Variants in SAMSN1 observed in about 807,000 individuals in gnomAD.
SAMSN1 encodes SAM domain-containing protein SAMSN-1.
SAMSN1 carries 31 observed loss-of-function variants against 42.0 expected under a neutral mutation model. The ratio of observed to expected loss-of-function variants is 0.74; its 90% CI spans 0.55 to 1.00. The LOEUF (loss-of-function observed/expected upper bound fraction) is 1.00, where lower values mean the gene tolerates loss of function less well. Ranked by LOEUF, SAMSN1 falls within the 50% of genes least tolerant of loss-of-function variation. The pLI is 0.00. For missense variants in SAMSN1, 464 were observed against 439.4 expected (o/e 1.06, Z -0.50); for synonymous variants, 178 against 151.9 (o/e 1.17, Z -1.26).
In SAMSN1 at chr21:14,499,218, A is replaced by G. The variant is rs555714063; in HGVS notation, c.769-626T>C. Among the ~76,000 whole-genome samples, 4 of 152,310 alleles carry G rather than the reference A, an allele frequency of 2.6e-5. No homozygotes were observed. In the East Asian group the frequency reaches 7.7e-4, roughly 29 times the overall value. ...TAGTTGGGGAAAGAATTGTTTTCTCAGCATGTATATTTTGTCCGTCATTTG... is the reference window on the plus strand; with the variant it reads ...TAGTTGGGGAAAGAATTGTTTTCTCGGCATGTATATTTTGTCCGTCATTTG... On this transcript the variant is annotated intron_variant, in intron 6 of 7. Coordinates refer to ENST00000400566, the MANE Select transcript of SAMSN1 (RefSeq NM_022136.5).
upstream of SAMSN1, chr21:14,583,719 T>C (rs1981832414): frequency 1.4e-6 from 1 of 717,652 alleles, no homozygotes; most frequent in African/African-American, 1.7e-5. Flanking sequence ...CAAACCAGTT[T>C]CTGTAGTCGC....
chr21:14,577,276 A>AT lies in SAMSN1; in HGVS notation c.261+4859dup, dbSNP rs1568816204. On this transcript the variant is annotated intron_variant, in intron 2 of 8. Transcript: ENST00000285670. ...TATATATATATATATATATATATAT[A>AT]TATATATATTTTTTTTTTAGAAGAG... Among the ~76,000 whole-genome samples, 36 of 50,306 alleles carry AT rather than the reference A, an allele frequency of 7.2e-4. 2 individuals are homozygous for AT. Among genetic ancestry groups the AT allele is most frequent in the African/African-American group, 4.5e-3 (36 of 8,050 alleles). The allele number at this position is 50,306 out of a possible 152,430, so 33.0% of individuals were successfully genotyped here.
chr21:14,596,860 C>A (rs1243539696), intron 6 of SAMSN1, among the ~76,000 whole-genome samples: 1 of 152,098 alleles, frequency 6.6e-6, no homozygotes, highest in African/African-American at 2.4e-5. Flanking sequence ...CTAGAAATGC[C>A]CAGCTATACC....
intron 5 of SAMSN1, among the ~76,000 whole-genome samples, chr21:14,508,856 G>A (rs891445171): frequency 2.6e-5 from 4 of 152,160 alleles, no homozygotes; most frequent in South Asian, 2.1e-4. Context: ...TAGGCTGGGC[G>A]TGGTGGCTCA....
chr21:14,506,092 C>G (rs1987388326), intron 5 of SAMSN1, among the ~76,000 whole-genome samples: 1 of 151,978 alleles, frequency 6.6e-6, no homozygotes, highest in South Asian at 2.1e-4. Flanking sequence ...GGGGAAAGTG[C>G]ATAGCCCTAA....
intron 1 of SAMSN1, among the ~76,000 whole-genome samples, chr21:14,524,673 T>C (rs890936839): frequency 6.6e-6 from 1 of 152,188 alleles, no homozygotes; most frequent in African/African-American, 2.4e-5. Flanking sequence ...ACTGTAGCAC[T>C]TTTATATTAT....
chr21:14,507,171 A>G (rs1987453274), intron 5 of SAMSN1, among the ~76,000 whole-genome samples: 1 of 152,216 alleles, frequency 6.6e-6, no homozygotes, highest in African/African-American at 2.4e-5. Flanking sequence ...TCTTCAACAC[A>G]GTACTGGAAG....
At chr21:14,624,238 C>T (rs1434398562) in intron 2 of SAMSN1, among the ~76,000 whole-genome samples, 1 of 152,078 alleles carries the variant, frequency 6.6e-6, no homozygotes, top group Non-Finnish European at 1.5e-5. Context: ...AGAGCAAACA[C>T]ATTCAAAAGC....
At chr21:14,544,625 G>A (rs1263963954) in intron 1 of SAMSN1, among the ~76,000 whole-genome samples, 2 of 151,992 alleles carry the variant, frequency 1.3e-5, no homozygotes, top group Non-Finnish European at 2.9e-5. Flanking sequence ...CATTTTCTGT[G>A]ATATGTTTTG....
At chr21:14,649,166 A>G (rs956178988) in intron 1 of SAMSN1, among the ~76,000 whole-genome samples, 4 of 151,682 alleles carry the variant, frequency 2.6e-5, no homozygotes, top group African/African-American at 7.3e-5. Flanking sequence ...AAAAACTATC[A>G]CAAGAACAAA....
chr21:14,511,411 TAG>T (rs1987683585), intron 4 of SAMSN1, among the ~76,000 whole-genome samples: 1 of 152,224 alleles, frequency 6.6e-6, no homozygotes, highest in Non-Finnish European at 1.5e-5. Flanking sequence ...CATCACAATA[TAG>T]AGTTTTTAAA....
In SAMSN1 at chr21:14,508,705, G is replaced by A. The variant is rs1487262278; in HGVS notation, c.561+1605C>T. Among the ~76,000 whole-genome samples, 3 of 152,206 alleles carry A rather than the reference G, an allele frequency of 2.0e-5. No homozygotes were observed. The South Asian group carries it at 6.2e-4, about 31-fold the overall frequency. ...ATTTGATTCAGCAATTCCACTGCTAGGTATCTATGCAGAGGAAAAGAAGTC... is the reference window on the plus strand; with the variant it reads ...ATTTGATTCAGCAATTCCACTGCTAAGTATCTATGCAGAGGAAAAGAAGTC... On this transcript the variant is annotated intron_variant, in intron 5 of 7. Transcript: ENST00000400566.
intron 5 of SAMSN1, among the ~76,000 whole-genome samples, chr21:14,507,987 G>A (rs962909568): frequency 1.3e-5 from 2 of 152,164 alleles, no homozygotes; most frequent in Non-Finnish European, 2.9e-5. Context: ...ATGGTGCTAG[G>A]ATAACTGGCT....
chr21:14,613,238 C>T (rs1123313), intron 3 of SAMSN1, among the ~76,000 whole-genome samples: 98,511 of 151,992 alleles, frequency 0.65, 32,074 homozygotes, highest in East Asian at 0.68. Flanking sequence ...ATAAATATGT[C>T]AATAAATACA....
chr21:14,528,755 C>A (rs1568789532), intron 1 of SAMSN1, among the ~76,000 whole-genome samples: 1 of 152,148 alleles, frequency 6.6e-6, no homozygotes, highest in Non-Finnish European at 1.5e-5. Flanking sequence ...TATTTGTCCC[C>A]AAATTCTTGC....
intron 1 of SAMSN1, among the ~76,000 whole-genome samples, chr21:14,540,535 C>T (rs1443426565): frequency 2.0e-5 from 3 of 152,130 alleles, no homozygotes; most frequent in Non-Finnish European, 4.4e-5. Flanking sequence ...TGAAAAAATG[C>T]TCATCATCAC....
At chr21:14,503,451 G>A (rs1404225530) in intron 5 of SAMSN1, among the ~76,000 whole-genome samples, 2 of 152,142 alleles carry the variant, frequency 1.3e-5, no homozygotes, top group African/African-American at 4.8e-5. Context: ...TGAGCCTCAG[G>A]TGAGATCACA....
At chr21:14,530,515 A>G (rs534662293) in intron 1 of SAMSN1, among the ~76,000 whole-genome samples, 1 of 152,282 alleles carries the variant, frequency 6.6e-6, no homozygotes, top group East Asian at 1.9e-4. Flanking sequence ...TCTCTAGTAA[A>G]CATAATCATT....
upstream of SAMSN1, chr21:14,546,342 A>C: frequency 6.3e-7 from 1 of 1,583,190 alleles, no homozygotes; most frequent in Non-Finnish European, 8.6e-7. Flanking sequence ...GTGCTGTCTA[A>C]TGCACAGCAT....
Sources: allele counts gnomAD v4.1 joint callset (sites outside exome capture counted in the v4.1 genomes callset), GRCh38; gene constraint gnomAD v4.1.1; transcripts MANE v1.5; gene names NCBI Gene and HGNC (gene_info 2026-07-23, HGNC 2026-07-21).